PECR: variants seen among roughly 807,000 people sequenced by gnomAD.
PECR encodes peroxisomal trans-2-enoyl-CoA reductase.
In PECR, 30 loss-of-function variants were observed where a neutral mutation model predicts 35.3. The observed-to-expected ratio is 0.85, with a 90% CI of 0.64 to 1.15. PECR has a LOEUF of 1.15. Among genes scored for constraint, PECR ranks in the 50% most tolerant of loss-of-function variants. The probability of loss-of-function intolerance (pLI) is 0.00; values close to 1 mark genes in which losing one functional copy is unlikely to be tolerated. For missense variants in PECR, 392 were observed against 370.8 expected (o/e 1.06, Z -0.47); for synonymous variants, 148 against 138.9 (o/e 1.07, Z -0.46).
chr2:216,030,057 A>G (rs544113169), intron 7 of PECR, among the ~76,000 whole-genome samples: 247 of 152,308 alleles, frequency 1.6e-3, no homozygotes, highest in Middle Eastern at 0.01. Flanking sequence ...CCACCTTAAA[A>G]TTACTGCTTG....
intron 6 of PECR, among the ~76,000 whole-genome samples, chr2:216,045,694 G>C (rs1294686272): frequency 6.6e-6 from 1 of 152,232 alleles, no homozygotes; most frequent in African/African-American, 2.4e-5. Context: ...ATGGTAACAA[G>C]CAACAGAGCT....
rs1447612633 is a variant in PECR, at chr2:216,043,911, C to T, written c.819G>A (p.Glu273=). 2 of 1,560,974 alleles carry T rather than the reference C, an allele frequency of 1.3e-6. No homozygotes were observed. Among genetic ancestry groups the T allele is most frequent in the Middle Eastern group, 1.7e-4 (1 of 5,966 alleles). The change falls in exon 7 of 8, where the codon GAG becomes GAA. Residue 273 remains glutamate, a synonymous_variant. Transcript: ENST00000265322. The stretch of plus-strand genomic sequence containing the variant: ...CATTCCTCAGCTGCTCACCTGGTAC[C>T]TCATACGAGTGAGTATAGAGACTCC... ...GGRSLYTHSY[E]VPDHDNWPKG...
intron 4 of PECR, among the ~76,000 whole-genome samples, chr2:216,053,042 T>C (rs1488689360): frequency 1.3e-5 from 2 of 151,794 alleles, no homozygotes; most frequent in African/African-American, 2.4e-5. Context: ...TTAGTAGAGA[T>C]GGGGTTTCAG....
chr2:216,061,288 G>T (rs12987667), intron 3 of PECR, among the ~76,000 whole-genome samples: 6 of 111,822 alleles, frequency 5.4e-5, no homozygotes, highest in African/African-American at 2.1e-4. Context: ...CTCCAACCCA[G>T]GTGACAGAGT....
At chr2:216,060,794 G>C (rs1160309157) in intron 3 of PECR, among the ~76,000 whole-genome samples, 1 of 151,894 alleles carries the variant, frequency 6.6e-6, no homozygotes, top group African/African-American at 2.4e-5. Flanking sequence ...TGGTCAACTA[G>C]AACATCAGAG....
downstream of PECR, among the ~76,000 whole-genome samples, chr2:216,037,286 G>A (rs970834293): frequency 1.3e-5 from 2 of 152,192 alleles, no homozygotes; most frequent in Non-Finnish European, 2.9e-5. Context: ...AGTCTAAGAA[G>A]AAGCTCTAAT....
At chr2:216,046,029 T>C (rs1476664833) in intron 6 of PECR, among the ~76,000 whole-genome samples, 1 of 151,388 alleles carries the variant, frequency 6.6e-6, no homozygotes, top group Non-Finnish European at 1.5e-5. Flanking sequence ...ATACAAAAAT[T>C]AGCTGGGCAT....
chr2:216,039,001 C>G lies in PECR; in HGVS notation c.*274G>C, dbSNP rs1694843552. 6.5e-6 allele frequency: 2 copies of G among 307,798 alleles called. No homozygotes were observed. Among genetic ancestry groups the G allele is most frequent in the Admixed American group, 9.2e-5 (2 of 21,734 alleles). 19.1% of individuals were successfully genotyped at this position (307,798 alleles called of 1,614,324 possible). ...AATTATCATTGATTTAAAATTATTC[C>G]ATTTTTCAAATACTTTTCTTAGAAA... On this transcript the variant is annotated 3_prime_UTR_variant, in exon 8 of 8. Coordinates refer to ENST00000265322, the MANE Select transcript of PECR (RefSeq NM_018441.6).
At chr2:216,044,503 C>T (rs1417097829) in intron 6 of PECR, among the ~76,000 whole-genome samples, 1 of 152,114 alleles carries the variant, frequency 6.6e-6, no homozygotes, top group Non-Finnish European at 1.5e-5. Context: ...AGGCCAAAAG[C>T]CCAGCAACAC....
At chr2:216,036,731 T>G (rs777797737), downstream of PECR, among the ~76,000 whole-genome samples, 2 of 152,208 alleles carry the variant, frequency 1.3e-5, no homozygotes, top group Non-Finnish European at 2.9e-5. Flanking sequence ...CATCGCTGCC[T>G]TCTCTGGCTC....
chr2:216,071,942 C>T (rs748050046), intron 1 of PECR, among the ~76,000 whole-genome samples: 2 of 152,162 alleles, frequency 1.3e-5, no homozygotes, highest in African/African-American at 4.8e-5. Context: ...ACTATTTTTG[C>T]TTTGAATGGT....
At chr2:216,065,200 T>G (rs903931657) in intron 3 of PECR, 112 bp downstream of exon 3, 2 of 804,676 alleles carry the variant, frequency 2.5e-6, no homozygotes, top group African/African-American at 3.4e-5. Context: ...ATGTTGTAAG[T>G]GAGAAAATCC....
chr2:216,079,267 TA>T (rs1389294564), intron 1 of PECR, among the ~76,000 whole-genome samples: 2 of 152,026 alleles, frequency 1.3e-5, no homozygotes, highest in African/African-American at 4.8e-5. Flanking sequence ...AAAAAATATT[TA>T]AAAGACGAAG....
chr2:216,077,545 C>A (rs554376948), intron 1 of PECR, among the ~76,000 whole-genome samples: 1 of 150,948 alleles, frequency 6.6e-6, no homozygotes, highest in Non-Finnish European at 1.5e-5. Context: ...CAGTGGCTCA[C>A]GCCTGTAATC....
rs116695453 is a variant in PECR at position 216,052,832 on chromosome 2, C to G, written c.507-1287G>C. Reference sequence around the variant, plus strand: ...TCTCTTTCAGAGACTCCAACTGTCTCACAGTTCACGAATGCTCTGTTTTTG... The same window carrying G: ...TCTCTTTCAGAGACTCCAACTGTCTGACAGTTCACGAATGCTCTGTTTTTG... On this transcript the variant is annotated intron_variant, in intron 4 of 7. Transcript: ENST00000265322. Among the ~76,000 whole-genome samples, 1,045 of 152,206 alleles carry G rather than the reference C, an allele frequency of 6.9e-3. 7 individuals carry two copies. Among genetic ancestry groups the G allele is most frequent in the African/African-American group, 0.024 (988 of 41,520 alleles).
At chr2:216,074,980 A>G (rs1476474456) in intron 1 of PECR, among the ~76,000 whole-genome samples, 1 of 152,214 alleles carries the variant, frequency 6.6e-6, no homozygotes, top group Non-Finnish European at 1.5e-5. Context: ...CAATACTACC[A>G]TTGAAAAACA....
At chr2:216,041,570 T>C (rs10193549) in intron 7 of PECR, among the ~76,000 whole-genome samples, 6,886 of 152,294 alleles carry the variant, frequency 0.045, 416 homozygotes, top group African/African-American at 0.13. Context: ...ATACAACTCC[T>C]AATATCCTAG....
downstream of PECR, among the ~76,000 whole-genome samples, chr2:216,036,556 C>T (rs752996249): frequency 2.6e-5 from 4 of 152,232 alleles, no homozygotes; most frequent in Admixed American, 6.5e-5. Context: ...ACATGACCCA[C>T]TGAGCGCCTG....
chr2:216,075,061 C>G (rs1048125921), intron 1 of PECR, among the ~76,000 whole-genome samples: 17 of 152,138 alleles, frequency 1.1e-4, no homozygotes, highest in African/African-American at 4.1e-4. Context: ...GTTGGAGAGT[C>G]GCTTGTGGTG....
Sources: allele counts gnomAD v4.1 joint callset (sites outside exome capture counted in the v4.1 genomes callset), GRCh38; gene constraint gnomAD v4.1.1; transcripts MANE v1.5; gene names NCBI Gene and HGNC (gene_info 2026-07-23, HGNC 2026-07-21).